Variants in SRD5A2 observed in about 807,000 individuals in gnomAD.
SRD5A2 encodes the protein 3-oxo-5-alpha-steroid 4-dehydrogenase 2.
SRD5A2 carries 30 observed loss-of-function variants against 27.4 expected under a neutral mutation model. That is an observed-to-expected ratio of 1.10 (90% CI 0.82 to 1.49). The LOEUF (loss-of-function observed/expected upper bound fraction) is 1.49. Ranked by LOEUF, SRD5A2 falls within the 40% of genes most tolerant of loss-of-function variation. The probability of loss-of-function intolerance (pLI) is 0.00; values close to 1 mark genes in which losing one functional copy is unlikely to be tolerated. For missense variants in SRD5A2, 348 were observed against 323.4 expected (o/e 1.08, Z -0.58); for synonymous variants, 141 against 133.6 (o/e 1.06, Z -0.38).
chr2:31,584,044 T>C (rs2148109684), upstream of SRD5A2, among the ~76,000 whole-genome samples: 1 of 152,314 alleles, frequency 6.6e-6, no homozygotes, highest in South Asian at 2.1e-4. Flanking sequence ...TTTACTTTTC[T>C]GTTACCTGGA....
chr2:31,564,228 G>A lies in SRD5A2; in HGVS notation c.281+16392C>T, dbSNP rs572112460. 1.4e-4 allele frequency among the ~76,000 whole-genome samples: 21 copies of A among 152,058 alleles called. No individual in the cohort carries two copies. The South Asian group carries it at 4.1e-3, about 30-fold the overall frequency. ...GACATGGAAGAGAGAAAAAAAGACC[G>A]AAATCCAAAATTCTAGAGATGGAAA... On this transcript the variant is annotated intron_variant, in intron 1 of 4. Coordinates refer to ENST00000622030, the MANE Select transcript of SRD5A2 (RefSeq NM_000348.4).
intron 1 of SRD5A2, among the ~76,000 whole-genome samples, chr2:31,538,473 T>A (rs1666068890): frequency 6.6e-6 from 1 of 152,192 alleles, no homozygotes; most frequent in Non-Finnish European, 1.5e-5. Flanking sequence ...TGTAAAAGCC[T>A]CCTCATTTGA....
the SRD5A2 span, among the ~76,000 whole-genome samples, chr2:31,607,377 G>C: frequency 6.6e-6 from 1 of 151,936 alleles, no homozygotes; most frequent in South Asian, 2.1e-4. Context: ...TGAAGACAAA[G>C]AGGAAACCTT....
At chr2:31,527,998 T>C (rs1665820013) in intron 4 of SRD5A2, among the ~76,000 whole-genome samples, 1 of 152,220 alleles carries the variant, frequency 6.6e-6, no homozygotes, top group African/African-American at 2.4e-5. Context: ...AGGGAAAGGA[T>C]CTGACATTTA....
intron 1 of SRD5A2, among the ~76,000 whole-genome samples, chr2:31,556,567 G>A (rs1337399918): frequency 6.6e-6 from 1 of 152,138 alleles, no homozygotes; most frequent in Non-Finnish European, 1.5e-5. Context: ...CACAGGGGAG[G>A]AAGTAATATG....
intron 1 of SRD5A2, among the ~76,000 whole-genome samples, chr2:31,562,031 T>TA (rs1366615451): frequency 1.3e-5 from 2 of 152,136 alleles, no homozygotes; most frequent in Non-Finnish European, 2.9e-5. Context: ...CAGCTTGAAG[T>TA]AAAAAGCTCA....
chr2:31,649,155 C>T, the SRD5A2 span, among the ~76,000 whole-genome samples: 5 of 152,296 alleles, frequency 3.3e-5, no homozygotes, highest in East Asian at 9.6e-4. Flanking sequence ...GTTAGCAGTG[C>T]TATGTTTCCC....
At chr2:31,648,024 G>C in the SRD5A2 span, among the ~76,000 whole-genome samples, 1 of 152,158 alleles carries the variant, frequency 6.6e-6, no homozygotes, top group Non-Finnish European at 1.5e-5. Context: ...CAAAGACTGT[G>C]TGCATGTTTT....
At chr2:31,615,696 G>T in the SRD5A2 span, among the ~76,000 whole-genome samples, 1 of 152,210 alleles carries the variant, frequency 6.6e-6, no homozygotes, top group African/African-American at 2.4e-5. Flanking sequence ...GCCAGCTGCA[G>T]AAATTTGCAT....
At chr2:31,634,626 G>A in the SRD5A2 span, among the ~76,000 whole-genome samples, 2 of 151,572 alleles carry the variant, frequency 1.3e-5, no homozygotes, top group Non-Finnish European at 2.9e-5. Context: ...CCATTTCTAC[G>A]GGTACAGTTT....
In SRD5A2 at chr2:31,523,022, C is replaced by T. The variant is rs1665690524; in HGVS notation, c.*3174G>A. On this transcript the variant is annotated 3_prime_UTR_variant, in exon 5 of 5. Coordinates refer to ENST00000622030, the MANE Select transcript of SRD5A2 (RefSeq NM_000348.4). ...TTGTTCCTGAAAGGGTCTAAGCCGC[C>T]TAAATAGCTGTTTAATTGCGTATTT... The T allele has an allele frequency of 4.6e-6, 1 of 219,766 alleles. No homozygotes were observed. Among genetic ancestry groups the T allele is most frequent in the East Asian group, 6.7e-5 (1 of 15,018 alleles). The allele number at this position is 219,766 out of a possible 1,614,324, so 13.6% of individuals were successfully genotyped here.
rs1287483127 is a variant in SRD5A2, at chr2:31,524,015, C to T, written c.*2181G>A. Reference sequence around the variant, plus strand: ...ATCAGGCAACAGGACTGGGGTTGGACCTAATTAAGTCAAGGTTGGACTAAA... The same window carrying T: ...ATCAGGCAACAGGACTGGGGTTGGATCTAATTAAGTCAAGGTTGGACTAAA... On this transcript the variant is annotated 3_prime_UTR_variant, in exon 5 of 5. Transcript: ENST00000622030. 2 of 220,464 alleles carry T rather than the reference C, an allele frequency of 9.1e-6. No homozygotes were observed. Among genetic ancestry groups the T allele is most frequent in the Non-Finnish European group, 1.8e-5 (2 of 110,142 alleles). 13.7% of individuals were successfully genotyped at this position (220,464 alleles called of 1,614,324 possible).
rs770366929 is a variant in SRD5A2, at chr2:31,525,874, G to A, written c.*322C>T. 8.5e-5 allele frequency: 25 copies of A among 295,112 alleles called. No homozygotes were observed. Among genetic ancestry groups the A allele is most frequent in the Non-Finnish European group, 5.1e-5 (8 of 156,612 alleles). 18.3% of individuals were successfully genotyped at this position (295,112 alleles called of 1,614,324 possible). On this transcript the variant is annotated 3_prime_UTR_variant, in exon 5 of 5. Coordinates refer to ENST00000622030, the MANE Select transcript of SRD5A2 (RefSeq NM_000348.4). ...TCCTGCATTGACAGGGAGTGGGTAT[G>A]AAGCCACATGTACTTGGATTGCCCG...
At chr2:31,618,549 T>C in the SRD5A2 span, among the ~76,000 whole-genome samples, 1 of 152,084 alleles carries the variant, frequency 6.6e-6, no homozygotes, top group Non-Finnish European at 1.5e-5. Context: ...CAGGAAGACA[T>C]TATTTTAAGT....
the SRD5A2 span, among the ~76,000 whole-genome samples, chr2:31,625,852 C>G: frequency 6.6e-6 from 1 of 151,872 alleles, no homozygotes; most frequent in Non-Finnish European, 1.5e-5. Flanking sequence ...AGGCTCTTTT[C>G]TGGTTCCATA....
chr2:31,538,111 C>T (rs1256970431), intron 1 of SRD5A2, among the ~76,000 whole-genome samples: 2 of 152,182 alleles, frequency 1.3e-5, no homozygotes, highest in East Asian at 3.9e-4. Flanking sequence ...ATCTGCAGTC[C>T]TTAAACTCAG....
intron 1 of SRD5A2, among the ~76,000 whole-genome samples, chr2:31,573,377 T>C (rs1666890720): frequency 6.6e-6 from 1 of 152,216 alleles, no homozygotes; most frequent in African/African-American, 2.4e-5. Context: ...TTAGAGCTCC[T>C]ATGTTGAGCT....
chr2:31,620,636 A>C, the SRD5A2 span, among the ~76,000 whole-genome samples: 3 of 151,982 alleles, frequency 2.0e-5, no homozygotes, highest in Non-Finnish European at 4.4e-5. Flanking sequence ...CTACATTAGT[A>C]ATACCTACGT....
chr2:31,626,541 A>G, the SRD5A2 span, among the ~76,000 whole-genome samples: 1 of 152,110 alleles, frequency 6.6e-6, no homozygotes, highest in Non-Finnish European at 1.5e-5. Flanking sequence ...ATCAGCACCT[A>G]GATTATTGAG....
Sources: gnomAD v4.1 joint callset for allele counts (sites outside exome capture counted in the v4.1 genomes callset) on GRCh38, gnomAD v4.1.1 for gene constraint, MANE v1.5 for transcripts, NCBI Gene and HGNC (gene_info 2026-07-23, HGNC 2026-07-21) for gene names.